SCAMP1: variants seen among roughly 807,000 people sequenced by gnomAD.
The protein encoded by SCAMP1 is secretory carrier membrane protein 1, also known as secretory carrier-associated membrane protein 1.
Under a neutral mutation model 41.8 loss-of-function variants are expected in SCAMP1, and 15 were observed. The ratio of observed to expected loss-of-function variants is 0.36; its 90% CI spans 0.24 to 0.55. The LOEUF is 0.55. Ranked by LOEUF, SCAMP1 falls within the 20% of genes least tolerant of loss-of-function variation. The pLI is 0.86. For missense variants in SCAMP1, 341 were observed against 412.6 expected (o/e 0.83, Z 1.50); for synonymous variants, 135 against 136.8 (o/e 0.99, Z 0.09).
In SCAMP1 at chr5:78,388,926, C is replaced by T. The variant is rs557517722; in HGVS notation, c.135+12C>T. 14 of 1,349,972 alleles carry T rather than the reference C, an allele frequency of 1.0e-5. No homozygotes were observed. The highest frequency in any genetic ancestry group is 1.4e-5 in the African/African-American group (1 of 69,142). The allele number at this position is 1,349,972 out of a possible 1,614,324, so 83.6% of individuals were successfully genotyped here. On this transcript the variant is annotated intron_variant, in intron 2 of 8. Transcript: ENST00000621999. ...CGGATTCTAGAACAGTAAGATTATT[C>T]TTGCTTTTAAATGTTTAAATTGAAA...
chr5:78,468,790 G>C (rs6861678), intron 8 of SCAMP1, among the ~76,000 whole-genome samples: 124,974 of 152,122 alleles, frequency 0.82, 52,054 homozygotes, highest in African/African-American at 0.92. Flanking sequence ...GTCTATGATA[G>C]AGAACACTGT....
chr5:78,470,453 A>G (rs139353786), intron 8 of SCAMP1, among the ~76,000 whole-genome samples: 1 of 152,168 alleles, frequency 6.6e-6, no homozygotes, highest in Non-Finnish European at 1.5e-5. Context: ...TTTCATTACC[A>G]TAATGTTTTC....
intron 8 of SCAMP1, among the ~76,000 whole-genome samples, chr5:78,466,118 A>G (rs1174427936): frequency 6.6e-6 from 1 of 152,234 alleles, no homozygotes. Context: ...AGGGTGTTTT[A>G]TAGAAGTAGA....
chr5:78,434,980 A>G (rs1752712477), intron 6 of SCAMP1, among the ~76,000 whole-genome samples: 1 of 152,238 alleles, frequency 6.6e-6, no homozygotes, highest in South Asian at 2.1e-4. Context: ...AAAAGGAAAT[A>G]TGGATAAATG....
chr5:78,444,207 ACTT>A (rs1752999692), intron 6 of SCAMP1, among the ~76,000 whole-genome samples: 2 of 152,172 alleles, frequency 1.3e-5, no homozygotes, highest in African/African-American at 2.4e-5. Flanking sequence ...AAGCACCTGT[ACTT>A]CTTAGGTTTC....
chr5:78,389,293 C>A (rs1227747946), intron 2 of SCAMP1, among the ~76,000 whole-genome samples: 2 of 151,964 alleles, frequency 1.3e-5, no homozygotes, highest in Non-Finnish European at 2.9e-5. Context: ...AGAACTGTAC[C>A]ATGAATGTTT....
At chr5:78,466,766 A>G (rs1216886350) in intron 8 of SCAMP1, among the ~76,000 whole-genome samples, 2 of 152,218 alleles carry the variant, frequency 1.3e-5, no homozygotes, top group East Asian at 3.8e-4. Context: ...TTTTAGAAGC[A>G]TTTATTCTGA....
chr5:78,462,416 A>G (rs1051304468), intron 8 of SCAMP1, among the ~76,000 whole-genome samples: 2 of 151,940 alleles, frequency 1.3e-5, no homozygotes, highest in Non-Finnish European at 2.9e-5. Flanking sequence ...GGCAGCCTCT[A>G]CCTCCTGGGT....
chr5:78,480,408 A>G lies in SCAMP1; in HGVS notation c.*4740A>G, dbSNP rs1343714752. 6.6e-6 allele frequency among the ~76,000 whole-genome samples: 1 copy of G among 152,234 alleles called. No individual in the cohort carries two copies. Among genetic ancestry groups the G allele is most frequent in the Non-Finnish European group, 1.5e-5 (1 of 68,032 alleles). ...TTATTTTCAGTGCTTACTTAAATGT[A>G]ATTCTAGAATTCCTCCACAACTTTT... On this transcript the variant is annotated 3_prime_UTR_variant, in exon 9 of 9. Transcript: ENST00000621999.
chr5:78,461,090 A>C (rs1753599831), intron 8 of SCAMP1, among the ~76,000 whole-genome samples: 1 of 152,090 alleles, frequency 6.6e-6, no homozygotes, highest in Non-Finnish European at 1.5e-5. Context: ...TCCAGACCTC[A>C]AATGATCAGC....
chr5:78,460,787 TCCTTCCTTCCTTCCTTCCTC>T (rs1200255679), intron 8 of SCAMP1, among the ~76,000 whole-genome samples: 6 of 47,352 alleles, frequency 1.3e-4, no homozygotes, highest in Admixed American at 4.2e-4. Flanking sequence ...CTTCCTTCCT[TCCTTCCTTCCTTCCTTCCTC>T]CCTTCCTTCC....
chr5:78,433,116 C>G (rs1752663001), intron 6 of SCAMP1, among the ~76,000 whole-genome samples: 1 of 152,032 alleles, frequency 6.6e-6, no homozygotes, highest in African/African-American at 2.4e-5. Flanking sequence ...CTAAGATGCC[C>G]CATCTCCTCA....
rs144279171 is a variant in SCAMP1, at chr5:78,369,577, A to G, written c.57+8849A>G. On this transcript the variant is annotated intron_variant, in intron 1 of 8. Coordinates refer to ENST00000621999, the MANE Select transcript of SCAMP1 (RefSeq NM_004866.6). ...GCGAATACTACCGTAGTGTGACGCT[A>G]GAGATGTGAAGTGAGCACATGCTGT... Among the ~76,000 whole-genome samples the G allele has an allele frequency of 2.0e-5, 3 of 152,358 alleles. No individual in the cohort carries two copies. In the East Asian group the frequency reaches 5.8e-4, roughly 29 times the overall value.
intron 8 of SCAMP1, among the ~76,000 whole-genome samples, chr5:78,462,979 G>A (rs1477317638): frequency 6.6e-6 from 1 of 151,544 alleles, no homozygotes; most frequent in African/African-American, 2.4e-5. Context: ...TTGAGACTAT[G>A]TATGAGGAAT....
chr5:78,382,816 T>C (rs1004498696), intron 1 of SCAMP1, among the ~76,000 whole-genome samples: 68 of 56,936 alleles, frequency 1.2e-3, no homozygotes, highest in East Asian at 2.2e-3. Context: ...TGTGTGTGTG[T>C]GTGCGCCACA....
intron 6 of SCAMP1, among the ~76,000 whole-genome samples, chr5:78,434,685 G>C (rs1752704911): frequency 6.6e-6 from 1 of 152,042 alleles, no homozygotes; most frequent in Non-Finnish European, 1.5e-5. Context: ...AGGTAAACCT[G>C]TTTGTGAAGA....
chr5:78,463,245 A>G (rs1753661686), intron 8 of SCAMP1, among the ~76,000 whole-genome samples: 1 of 152,174 alleles, frequency 6.6e-6, no homozygotes, highest in South Asian at 2.1e-4. Flanking sequence ...TACACCACAG[A>G]TGGCTCCTCT....
At position 78,477,146 on chromosome 5, in the gene SCAMP1, C is replaced by T. The variant is rs576482893; in HGVS notation, c.*1478C>T. The T allele has an allele frequency of 2.0e-5, 3 of 152,102 alleles. No homozygotes were observed. The highest frequency in any genetic ancestry group is 7.2e-5 in the African/African-American group (3 of 41,502). The allele number at this position is 152,102 out of a possible 1,614,324, so 9.4% of individuals were successfully genotyped here. A position where few individuals can be genotyped will look rare whatever the true frequency, so the allele number is the denominator to read the frequency against. On this transcript the variant is annotated 3_prime_UTR_variant, in exon 9 of 9. Transcript: ENST00000621999. The stretch of plus-strand genomic sequence containing the variant: ...AAATAGTTAAATCACTTTCATTCTC[C>T]CCAAACCTGTAGTTACAGAAAAAGT...
At chr5:78,432,016 A>G (rs1752637049) in intron 6 of SCAMP1, among the ~76,000 whole-genome samples, 1 of 152,102 alleles carries the variant, frequency 6.6e-6, no homozygotes, top group East Asian at 1.9e-4. Context: ...AATTATTTTG[A>G]CAATAGTCAC....
Sources: allele counts gnomAD v4.1 joint callset (sites outside exome capture counted in the v4.1 genomes callset), GRCh38; gene constraint gnomAD v4.1.1; transcripts MANE v1.5; gene names NCBI Gene and HGNC (gene_info 2026-07-23, HGNC 2026-07-21).